Variants in PDZRN3 observed in about 807,000 individuals in gnomAD.
PDZRN3 encodes E3 ubiquitin-protein ligase PDZRN3.
In PDZRN3, 38 loss-of-function variants were observed where a neutral mutation model predicts 85.7. The observed-to-expected ratio is 0.44, with a 90% CI of 0.34 to 0.58. The LOEUF is 0.58. Among genes scored for constraint, PDZRN3 ranks in the 20% least tolerant of loss-of-function variants. The pLI, the probability that PDZRN3 is intolerant of heterozygous loss-of-function variation, is 0.01. For missense variants in PDZRN3, 1,629 were observed against 1,506.4 expected (o/e 1.08, Z -1.35); for synonymous variants, 759 against 638.0 (o/e 1.19, Z -2.86).
At chr3:73,549,371 TG>T (rs780813133) in intron 3 of PDZRN3, among the ~76,000 whole-genome samples, 1 of 152,162 alleles carries the variant, frequency 6.6e-6, no homozygotes, top group Non-Finnish European at 1.5e-5. Flanking sequence ...AGAAGTTGCA[TG>T]GCAGGAAGAG....
chr3:73,470,750 T>G (rs932944157), intron 3 of PDZRN3, among the ~76,000 whole-genome samples: 4 of 152,184 alleles, frequency 2.6e-5, no homozygotes, highest in African/African-American at 9.7e-5. Context: ...TTAACTCAAG[T>G]CTACATGCAG....
At chr3:73,438,184 A>G (rs1702566167) in intron 3 of PDZRN3, among the ~76,000 whole-genome samples, 1 of 152,202 alleles carries the variant, frequency 6.6e-6, no homozygotes. Context: ...AGGGGTCACC[A>G]AGGAACACAC....
chr3:73,515,754 T>G (rs531679301), intron 3 of PDZRN3, among the ~76,000 whole-genome samples: 9 of 152,332 alleles, frequency 5.9e-5, no homozygotes, highest in Admixed American at 1.3e-4. Flanking sequence ...AAAGCTAAAT[T>G]TAGTTATCTA....
chr3:73,620,719 G>A (rs1702845186), intron 1 of PDZRN3, among the ~76,000 whole-genome samples: 1 of 152,188 alleles, frequency 6.6e-6, no homozygotes, highest in Non-Finnish European at 1.5e-5. Flanking sequence ...TGGGACTACA[G>A]GTGCCCGCCA....
At chr3:73,540,464 A>G (rs188775078) in intron 3 of PDZRN3, among the ~76,000 whole-genome samples, 67 of 152,298 alleles carry the variant, frequency 4.4e-4, no homozygotes, top group Middle Eastern at 3.4e-3. Context: ...CCCAAATCTC[A>G]TCTTAAATTA....
intron 3 of PDZRN3, among the ~76,000 whole-genome samples, chr3:73,490,723 T>C (rs1322237998): frequency 6.6e-6 from 1 of 152,230 alleles, no homozygotes; most frequent in Non-Finnish European, 1.5e-5. Flanking sequence ...ATGACCTTTC[T>C]AATGAAGGCC....
intron 3 of PDZRN3, among the ~76,000 whole-genome samples, chr3:73,476,650 C>T (rs907506807): frequency 2.0e-5 from 3 of 152,086 alleles, no homozygotes; most frequent in Non-Finnish European, 2.9e-5. Flanking sequence ...CCATTTTTTG[C>T]TTGTTCTTGT....
At chr3:73,597,011 A>T (rs965197924) in intron 3 of PDZRN3, among the ~76,000 whole-genome samples, 12 of 152,200 alleles carry the variant, frequency 7.9e-5, no homozygotes, top group Admixed American at 5.9e-4. Context: ...AGATGTTAAT[A>T]TTTGGGGAAT....
At chr3:73,448,872 C>T (rs541509529) in intron 3 of PDZRN3, among the ~76,000 whole-genome samples, 61 of 152,314 alleles carry the variant, frequency 4.0e-4, no homozygotes, top group African/African-American at 1.4e-3. Context: ...TCAGGACAGG[C>T]ACCTTTTATA....
intron 3 of PDZRN3, among the ~76,000 whole-genome samples, chr3:73,601,233 C>A (rs1246021420): frequency 1.3e-5 from 2 of 152,202 alleles, no homozygotes; most frequent in Admixed American, 6.5e-5. Flanking sequence ...CTCCTTTCCC[C>A]AGGAGAAGCC....
chr3:73,554,318 G>T lies in PDZRN3; in HGVS notation c.918+48036C>A, dbSNP rs116429163. 6.3e-3 allele frequency among the ~76,000 whole-genome samples: 953 copies of T among 150,722 alleles called. 6 individuals are homozygous for T. The highest frequency in any genetic ancestry group is 0.022 in the African/African-American group (912 of 40,888). ...TCAAATATAAAAAGAGAATAAGAAG[G>T]TATATAAGAATATCTCACAGGATTG... On this transcript the variant is annotated intron_variant, in intron 3 of 9. Coordinates refer to ENST00000263666, the MANE Select transcript of PDZRN3 (RefSeq NM_015009.3).
intron 5 of PDZRN3, among the ~76,000 whole-genome samples, chr3:73,396,222 AC>A (rs901578246): frequency 2.0e-5 from 3 of 151,374 alleles, no homozygotes; most frequent in African/African-American, 7.3e-5. Context: ...CTCAAAACAA[AC>A]AAAAAAAAAA....
chr3:73,526,958 C>G (rs920914609), intron 3 of PDZRN3, among the ~76,000 whole-genome samples: 1 of 152,176 alleles, frequency 6.6e-6, no homozygotes, highest in African/African-American at 2.4e-5. Context: ...AAGCGGCTCT[C>G]CTGCCTCAGC....
intron 3 of PDZRN3, among the ~76,000 whole-genome samples, chr3:73,593,709 TACACACACACACACACAC>T (rs57922621): frequency 9.9e-5 from 14 of 141,934 alleles, no homozygotes; most frequent in East Asian, 2.1e-4. Context: ...GAAATAAATA[TACACACACACACACACAC>T]ACACACACAC....
At chr3:73,599,208 A>G (rs1702475312) in intron 3 of PDZRN3, among the ~76,000 whole-genome samples, 1 of 152,244 alleles carries the variant, frequency 6.6e-6, no homozygotes, top group African/African-American at 2.4e-5. Flanking sequence ...AGTGTCCATC[A>G]CTGGGTGAAT....
At chr3:73,616,137 G>A (rs1040332031) in intron 1 of PDZRN3, among the ~76,000 whole-genome samples, 2 of 152,178 alleles carry the variant, frequency 1.3e-5, no homozygotes, top group Non-Finnish European at 2.9e-5. Context: ...TGTAATCTCT[G>A]CACATGCAGG....
intron 3 of PDZRN3, among the ~76,000 whole-genome samples, chr3:73,460,280 CAG>C (rs1703077784): frequency 6.6e-6 from 1 of 152,184 alleles, no homozygotes; most frequent in Admixed American, 6.5e-5. Context: ...AGTGCGATGA[CAG>C]GGCAAATCAC....
chr3:73,421,490 A>G (rs890267909), intron 3 of PDZRN3, among the ~76,000 whole-genome samples: 7 of 152,180 alleles, frequency 4.6e-5, no homozygotes, highest in African/African-American at 1.7e-4. Context: ...CATAGTAGGC[A>G]CTCACTAAAT....
At position 73,529,431 on chromosome 3, in the gene PDZRN3, C is replaced by G. The variant is rs553134160; in HGVS notation, c.918+72923G>C. 9.2e-4 allele frequency among the ~76,000 whole-genome samples: 140 copies of G among 152,332 alleles called. 1 individual carries two copies. The highest frequency in any genetic ancestry group is 3.2e-3 in the African/African-American group (131 of 41,576). ...TCTGCTACATGTTCTTCACTGCCCA[C>G]AGTCCCCACCCCTCCCCCTATGGCT... On this transcript the variant is annotated intron_variant, in intron 3 of 9. Transcript: ENST00000263666.
Sources: allele counts gnomAD v4.1 joint callset (sites outside exome capture counted in the v4.1 genomes callset), GRCh38; gene constraint gnomAD v4.1.1; transcripts MANE v1.5; gene names NCBI Gene and HGNC (gene_info 2026-07-23, HGNC 2026-07-21).